Variants in SLF1 observed in about 807,000 individuals in gnomAD.
The protein encoded by SLF1 is SMC5-SMC6 complex localization factor protein 1.
Under a neutral mutation model 123.0 loss-of-function variants are expected in SLF1, and 105 were observed. The observed-to-expected ratio is 0.85, with a 90% CI of 0.73 to 1.00. The LOEUF (loss-of-function observed/expected upper bound fraction) is 1.00. Ranked by LOEUF, SLF1 falls within the 50% of genes least tolerant of loss-of-function variation. The pLI is 0.00. For synonymous variants in SLF1, 434 were observed against 406.6 expected (o/e 1.07, Z -0.81); for missense variants, 1,239 against 1,223.0 (o/e 1.01, Z -0.20).
intron 15 of SLF1, among the ~76,000 whole-genome samples, chr5:94,684,416 C>A (rs1425516030): frequency 6.6e-6 from 1 of 152,010 alleles, no homozygotes; most frequent in Non-Finnish European, 1.5e-5. Context: ...AATTGTATCT[C>A]GGCCAGGTGC....
Position 94,638,676 on chromosome 5 carries a change from A to T in SLF1, c.432-4597A>T, listed in dbSNP as rs149704113. Among the ~76,000 whole-genome samples, 361 of 152,312 alleles carry T rather than the reference A, an allele frequency of 2.4e-3. 2 individuals carry two copies. Among genetic ancestry groups the T allele is most frequent in the Non-Finnish European group, 4.4e-3 (301 of 68,024 alleles). On this transcript the variant is annotated intron_variant, in intron 4 of 20. Coordinates refer to ENST00000265140, the MANE Select transcript of SLF1 (RefSeq NM_032290.4). ...ATCCTTTCTGTGTGGCACTATGCCA[A>T]CTTGGGTAAGGGAGAGGTGTGATGG...
chr5:94,651,925 A>G, intron 7 of SLF1, 80 bp downstream of exon 7: 1 of 702,024 alleles, frequency 1.4e-6, no homozygotes, highest in Non-Finnish European at 2.0e-6. Context: ...CTTTTAAAAA[A>G]TATATAAAAA....
intron 20 of SLF1, among the ~76,000 whole-genome samples, chr5:94,693,791 A>G (rs1753291650): frequency 6.7e-6 from 1 of 150,324 alleles, no homozygotes; most frequent in Admixed American, 6.6e-5. Context: ...ACTTGGAACA[A>G]TTTTTTTGAG....
intron 15 of SLF1, among the ~76,000 whole-genome samples, chr5:94,684,288 C>T (rs1445507363): frequency 1.3e-5 from 2 of 152,150 alleles, no homozygotes; most frequent in Non-Finnish European, 2.9e-5. Flanking sequence ...TTCAAATTAT[C>T]TTTTGATTCT....
intron 10 of SLF1, 102 bp from the exon 11 acceptor site, chr5:94,663,648 T>C: frequency 9.7e-7 from 1 of 1,030,252 alleles, no homozygotes; most frequent in Non-Finnish European, 1.4e-6. Context: ...CCGTCTCAAA[T>C]GAATGAATGA....
intron 5 of SLF1, among the ~76,000 whole-genome samples, chr5:94,644,041 A>C (rs546294178): frequency 1.8e-4 from 27 of 152,264 alleles, no homozygotes; most frequent in South Asian, 1.2e-3. Flanking sequence ...AATTACCCTT[A>C]AAATCTTTCT....
chr5:94,695,207 T>A lies in SLF1; in HGVS notation c.3072T>A (p.Ile1024=), dbSNP rs932292855. The change falls in exon 21 of 21, where the codon ATT becomes ATA. Residue 1024 remains isoleucine, a synonymous_variant. Transcript: ENST00000265140. ...AGACATTGCAGAAACTCCCACACAT[T>A]CTTAAGGAACTGCCTGAGAATTTGA... is the stretch of plus-strand genomic sequence containing the variant. The part of the protein sequence containing the change: ...NIKTLQKLPH[I]LKELPENLKV... 2 of 1,612,686 alleles carry A rather than the reference T, an allele frequency of 1.2e-6. No homozygotes were observed. The highest frequency in any genetic ancestry group is 3.3e-5 in the Admixed American group (2 of 59,920).
chr5:94,679,063 T>A, intron 15 of SLF1, 108 bp downstream of exon 15: 1 of 1,308,560 alleles, frequency 7.6e-7, no homozygotes, highest in Non-Finnish European at 1.0e-6. Context: ...AAACTTTCCT[T>A]AAAATAGTTA....
intron 8 of SLF1, 84 bp from the exon 9 acceptor site, chr5:94,654,546 T>C (rs911308734): frequency 1.8e-6 from 2 of 1,099,110 alleles, no homozygotes; most frequent in East Asian, 6.2e-5. Context: ...AATGTGTTCC[T>C]CTTATATTGT....
intron 14 of SLF1, among the ~76,000 whole-genome samples, chr5:94,675,407 A>G (rs1444514460): frequency 6.6e-6 from 1 of 152,220 alleles, no homozygotes; most frequent in Non-Finnish European, 1.5e-5. Context: ...CAAATATTTC[A>G]GTATTCCAAG....
At chr5:94,646,304 A>G (rs1747048241) in intron 5 of SLF1, among the ~76,000 whole-genome samples, 1 of 151,990 alleles carries the variant, frequency 6.6e-6, no homozygotes, top group Non-Finnish European at 1.5e-5. Context: ...ACCCTCTTAT[A>G]CTTTTTGAAA....
At chr5:94,619,040 C>T (rs1791328726) in intron 1 of SLF1, among the ~76,000 whole-genome samples, 1 of 152,116 alleles carries the variant, frequency 6.6e-6, no homozygotes, top group African/African-American at 2.4e-5. Context: ...CCGAGCGCCC[C>T]TCTGCAGTAC....
chr5:94,619,176 CA>C (rs1277579058), intron 1 of SLF1, among the ~76,000 whole-genome samples: 1 of 152,180 alleles, frequency 6.6e-6, no homozygotes, highest in Non-Finnish European at 1.5e-5. Flanking sequence ...ATCCTGATAC[CA>C]GAATTTTGGC....
intron 1 of SLF1, among the ~76,000 whole-genome samples, chr5:94,625,071 T>C (rs1792107335): frequency 6.6e-6 from 1 of 151,384 alleles, no homozygotes; most frequent in Non-Finnish European, 1.5e-5. Context: ...TGGGTGCCTG[T>C]AGTCCCAGCT....
intron 14 of SLF1, among the ~76,000 whole-genome samples, chr5:94,673,691 TAAAAAAAAAAA>T (rs35649653): frequency 2.5e-5 from 3 of 119,754 alleles, no homozygotes; most frequent in Non-Finnish European, 3.4e-5. Context: ...CCTTGTCTCT[TAAAAAAAAAAA>T]AAAAAAAAAA....
intron 4 of SLF1, among the ~76,000 whole-genome samples, chr5:94,636,435 G>A (rs1286793072): frequency 6.6e-6 from 1 of 151,926 alleles, no homozygotes; most frequent in African/African-American, 2.4e-5. Context: ...AATTCCCATA[G>A]GCTTTCTTCA....
chr5:94,648,513 G>A (rs145168602), intron 5 of SLF1, among the ~76,000 whole-genome samples: 80 of 152,202 alleles, frequency 5.3e-4, no homozygotes, highest in African/African-American at 1.8e-3. Flanking sequence ...ATGGAGTCTC[G>A]CTCTGTTACC....
chr5:94,624,468 C>T (rs896199749), intron 1 of SLF1, among the ~76,000 whole-genome samples: 2 of 152,082 alleles, frequency 1.3e-5, no homozygotes, highest in African/African-American at 4.8e-5. Flanking sequence ...TACACACTAA[C>T]TCCAGTAAAT....
chr5:94,633,214 C>T (rs373965644), intron 4 of SLF1, among the ~76,000 whole-genome samples: 2 of 151,866 alleles, frequency 1.3e-5, no homozygotes, highest in East Asian at 1.9e-4. Flanking sequence ...CTCAAACTCC[C>T]GACCTCAGGT....
Sources: allele counts gnomAD v4.1 joint callset (sites outside exome capture counted in the v4.1 genomes callset), GRCh38; gene constraint gnomAD v4.1.1; transcripts MANE v1.5; gene names NCBI Gene and HGNC (gene_info 2026-07-23, HGNC 2026-07-21).